CLASP1: variants seen among roughly 807,000 people sequenced by gnomAD.
CLASP1 encodes cytoplasmic linker associated protein 1.
A neutral mutation model predicts 192.3 loss-of-function variants in CLASP1; 38 were observed. The ratio of observed to expected loss-of-function variants is 0.20; its 90% CI spans 0.15 to 0.26. CLASP1 has a LOEUF of 0.26. CLASP1 is among the 10% of genes least tolerant of loss of function. CLASP1 has a pLI of 1.00. For synonymous variants in CLASP1, 691 were observed against 712.8 expected, an observed-to-expected ratio of 0.97 and a Z score of 0.49; for missense variants, 1,433 against 1,932.5, an observed-to-expected ratio of 0.74 and a Z score of 4.85.
chr2:121,397,933 T>TAAA (rs1345612863), intron 29 of CLASP1, among the ~76,000 whole-genome samples: 1 of 152,174 alleles, frequency 6.6e-6, no homozygotes, highest in East Asian at 1.9e-4. Flanking sequence ...ATGTTAATAT[T>TAAA]AAACATTCCA....
intron 23 of CLASP1, among the ~76,000 whole-genome samples, chr2:121,415,715 A>ATACCAC (rs1444629234): frequency 1.1e-4 from 16 of 152,354 alleles, no homozygotes; most frequent in African/African-American, 3.6e-4. Flanking sequence ...TTATAGGTTT[A>ATACCAC]ACAAAATAAT....
chr2:121,387,014 A>T, intron 32 of CLASP1, 108 bp downstream of exon 33: 2 of 908,676 alleles, frequency 2.2e-6, no homozygotes, highest in South Asian at 2.9e-5. Context: ...TTGATACTCA[A>T]TATTCTTTTT....
chr2:121,546,165 T>C (rs1425685871), intron 2 of CLASP1, among the ~76,000 whole-genome samples: 1 of 152,068 alleles, frequency 6.6e-6, no homozygotes, highest in Non-Finnish European at 1.5e-5. Flanking sequence ...CCTCTCAGGG[T>C]ATACCCAGAA....
intron 2 of CLASP1, among the ~76,000 whole-genome samples, chr2:121,564,229 A>G (rs897858887): frequency 6.6e-6 from 1 of 152,196 alleles, no homozygotes; most frequent in Non-Finnish European, 1.5e-5. Context: ...AAAAACAAAA[A>G]AAGGTGGCGG....
rs976282892 is a variant in CLASP1 at position 121,586,165 on chromosome 2, T to C, written c.195+19536A>G. ...TTTTTTGAGACATAGTCTCCTTCTG[T>C]CATCCAGGCTGGAATGCAGTGGCAT... On this transcript the variant is annotated intron_variant, in intron 2 of 39. Coordinates refer to ENST00000263710, the Ensembl canonical transcript of CLASP1. Among the ~76,000 whole-genome samples, 6 of 152,274 alleles carry C rather than the reference T, an allele frequency of 3.9e-5. No homozygotes were observed. The South Asian group carries it at 1.2e-3, about 32-fold the overall frequency.
chr2:121,643,253 T>A (rs930639741), intron 1 of CLASP1, among the ~76,000 whole-genome samples: 2 of 152,242 alleles, frequency 1.3e-5, no homozygotes, highest in Non-Finnish European at 2.9e-5. Context: ...AGTATTTTTC[T>A]AAAAGCAAGT....
intron 8 of CLASP1, among the ~76,000 whole-genome samples, chr2:121,478,959 C>CAT (rs1559369835): frequency 1.7e-5 from 1 of 59,830 alleles, no homozygotes; most frequent in Non-Finnish European, 3.5e-5. Flanking sequence ...ACCACACACA[C>CAT]ACACCACACA....
At chr2:121,397,636 C>G (rs1386601901) in intron 29 of CLASP1, among the ~76,000 whole-genome samples, 2 of 152,184 alleles carry the variant, frequency 1.3e-5, no homozygotes, top group African/African-American at 4.8e-5. Context: ...ATGTTCAGCT[C>G]TAGTTTTGTC....
intron 19 of CLASP1, among the ~76,000 whole-genome samples, chr2:121,446,633 T>C (rs1360269922): frequency 6.6e-6 from 1 of 152,234 alleles, no homozygotes; most frequent in African/African-American, 2.4e-5. Context: ...AATAAACAAT[T>C]AGCCTGACAC....
In CLASP1 at chr2:121,410,328, T is replaced by C. The variant is rs116914737; in HGVS notation, c.2424+538A>G. ...TTTATGTTTTTCAGATATTACACTA[T>C]AATGATGCAAAAACATATTCCACCA... On this transcript the variant is annotated intron_variant, in intron 24 of 39. Coordinates refer to ENST00000263710, the Ensembl canonical transcript of CLASP1. Among the ~76,000 whole-genome samples, 233 of 152,258 alleles carry C rather than the reference T, an allele frequency of 1.5e-3. 4 individuals carry two copies. In the East Asian group the frequency reaches 0.025, roughly 17 times the overall value.
intron 6 of CLASP1, among the ~76,000 whole-genome samples, chr2:121,521,801 C>G (rs554072340): frequency 7.9e-5 from 12 of 152,282 alleles, no homozygotes; most frequent in African/African-American, 2.6e-4. Flanking sequence ...AGGCTGACTA[C>G]TAGGTCAGGT....
intron 37 of CLASP1, among the ~76,000 whole-genome samples, chr2:121,358,073 C>T (rs1249188859): frequency 1.3e-5 from 2 of 152,220 alleles, no homozygotes; most frequent in Admixed American, 6.5e-5. Context: ...CATCAATCAT[C>T]AAACATTTAT....
At chr2:121,615,697 T>C (rs953656515) in intron 1 of CLASP1, among the ~76,000 whole-genome samples, 10 of 152,196 alleles carry the variant, frequency 6.6e-5, no homozygotes, top group African/African-American at 2.4e-4. Context: ...GGCAGGAGAA[T>C]TGCTTGAACC....
chr2:121,619,296 T>C (rs2066945828), intron 1 of CLASP1, among the ~76,000 whole-genome samples: 1 of 152,220 alleles, frequency 6.6e-6, no homozygotes, highest in South Asian at 2.1e-4. Context: ...TTCCTGTGTT[T>C]TCCAAATTTT....
At chr2:121,382,253 G>T in exon 33 of CLASP1, 1 of 1,608,788 alleles carries the variant, frequency 6.2e-7, no homozygotes, top group East Asian at 2.2e-5. Context: ...GGGAGCGGTG[G>T]GGATGGAGTT....
At chr2:121,344,854 C>A (rs1463697649) in intron 39 of CLASP1, among the ~76,000 whole-genome samples, 1 of 152,032 alleles carries the variant, frequency 6.6e-6, no homozygotes, top group Non-Finnish European at 1.5e-5. Flanking sequence ...CATACCAGAG[C>A]TATTACATGA....
At chr2:121,502,185 ATTACT>A (rs924740162) in intron 8 of CLASP1, among the ~76,000 whole-genome samples, 3 of 152,292 alleles carry the variant, frequency 2.0e-5, no homozygotes, top group South Asian at 2.1e-4. Flanking sequence ...CATCAAAATC[ATTACT>A]TTATTTATTC....
intron 2 of CLASP1, among the ~76,000 whole-genome samples, chr2:121,550,602 ACTATGCACACCT>A (rs2105153794): frequency 6.6e-6 from 1 of 152,296 alleles, no homozygotes; most frequent in African/African-American, 2.4e-5. Flanking sequence ...ATCAGAAACT[ACTATGCACACCT>A]CTATGCACAC....
chr2:121,484,948 C>G (rs1036477015), intron 8 of CLASP1, among the ~76,000 whole-genome samples: 6 of 152,098 alleles, frequency 3.9e-5, no homozygotes, highest in African/African-American at 1.4e-4. Flanking sequence ...GCTAACTGCC[C>G]AAAGAGACTT....
Sources: gnomAD v4.1 joint callset for allele counts (sites outside exome capture counted in the v4.1 genomes callset) on GRCh38, gnomAD v4.1.1 for gene constraint, MANE v1.5 for transcripts, NCBI Gene and HGNC (gene_info 2026-07-23, HGNC 2026-07-21) for gene names.